Variants in ZNF385D observed in about 807,000 individuals in gnomAD.
ZNF385D encodes zinc finger protein 659.
Under a neutral mutation model 35.8 loss-of-function variants are expected in ZNF385D, and 15 were observed. The ratio of observed to expected loss-of-function variants is 0.42; its 90% CI spans 0.28 to 0.64. ZNF385D has a LOEUF of 0.64. Ranked by LOEUF, ZNF385D falls within the 30% of genes least tolerant of loss-of-function variation. ZNF385D has a pLI of 0.23. For missense variants in ZNF385D, 474 were observed against 494.6 expected, an observed-to-expected ratio of 0.96 and a Z score of 0.39; for synonymous variants, 212 against 186.8, an observed-to-expected ratio of 1.13 and a Z score of -1.10.
At chr3:22,063,430 A>G (rs1016568771) in intron 3 of ZNF385D, among the ~76,000 whole-genome samples, 6 of 152,178 alleles carry the variant, frequency 3.9e-5, no homozygotes, top group African/African-American at 1.4e-4. Flanking sequence ...ATCATGATAC[A>G]AAATTTCATC....
At chr3:21,897,253 A>G (rs1699185061) in intron 3 of ZNF385D, among the ~76,000 whole-genome samples, 1 of 152,164 alleles carries the variant, frequency 6.6e-6, no homozygotes, top group Non-Finnish European at 1.5e-5. Flanking sequence ...GAATTCTCAC[A>G]TTATTGATAA....
At chr3:21,945,536 T>C (rs1701739668) in intron 3 of ZNF385D, among the ~76,000 whole-genome samples, 1 of 152,208 alleles carries the variant, frequency 6.6e-6, no homozygotes, top group African/African-American at 2.4e-5. Context: ...GCTATCAAGA[T>C]TAAATTATTT....
chr3:22,330,479 TTTC>T (rs1694883666), intron 2 of ZNF385D, among the ~76,000 whole-genome samples: 1 of 152,200 alleles, frequency 6.6e-6, no homozygotes. Context: ...TCACCCTTTA[TTTC>T]TTCTTTTATA....
At chr3:21,657,863 A>C (rs1487239324) in intron 2 of ZNF385D, among the ~76,000 whole-genome samples, 1 of 152,020 alleles carries the variant, frequency 6.6e-6, no homozygotes, top group African/African-American at 2.4e-5. Flanking sequence ...TCACTGGCTG[A>C]GGGAAAGAAG....
chr3:22,178,955 G>C (rs1695028010), intron 2 of ZNF385D, among the ~76,000 whole-genome samples: 2 of 149,496 alleles, frequency 1.3e-5, no homozygotes, highest in South Asian at 4.3e-4. Flanking sequence ...TCTCTGTTTT[G>C]GTACCAGTAC....
intron 2 of ZNF385D, among the ~76,000 whole-genome samples, chr3:21,658,034 C>G (rs909200963): frequency 6.6e-6 from 1 of 151,996 alleles, no homozygotes; most frequent in African/African-American, 2.4e-5. Flanking sequence ...ATAATAAAAA[C>G]GTGAAATTTT....
At chr3:22,019,753 C>G (rs977577539) in intron 3 of ZNF385D, among the ~76,000 whole-genome samples, 2 of 151,834 alleles carry the variant, frequency 1.3e-5, no homozygotes, top group African/African-American at 4.8e-5. Context: ...GGAACAGCTA[C>G]ATTAATCTAT....
At chr3:21,976,451 T>C (rs775946157) in intron 3 of ZNF385D, among the ~76,000 whole-genome samples, 23 of 151,992 alleles carry the variant, frequency 1.5e-4, no homozygotes, top group Non-Finnish European at 8.8e-5. Flanking sequence ...ATAACTAAAA[T>C]TGATAGCATG....
chr3:21,775,450 G>A (rs1407234602), intron 3 of ZNF385D, among the ~76,000 whole-genome samples: 1 of 151,786 alleles, frequency 6.6e-6, no homozygotes, highest in South Asian at 2.1e-4. Context: ...ATAAAGGAGG[G>A]CTTGGAAAGT....
chr3:21,944,858 T>C lies in ZNF385D; in HGVS notation c.325+223959A>G, dbSNP rs138041870. Among the ~76,000 whole-genome samples the C allele has an allele frequency of 6.1e-3, 928 of 152,248 alleles. 10 individuals carry two copies. Among genetic ancestry groups the C allele is most frequent in the African/African-American group, 0.021 (888 of 41,576 alleles). On this transcript the variant is annotated intron_variant, in intron 3 of 5. Coordinates refer to the ZNF385D transcript ENST00000494108. The stretch of plus-strand genomic sequence containing the variant: ...ATGAATAAAATTATAGAAATGTAGA[T>C]ATATATGTAAAGTACTTACTAGGTC...
intron 4 of ZNF385D, among the ~76,000 whole-genome samples, chr3:21,459,955 C>T (rs866345770): frequency 6.6e-6 from 1 of 152,144 alleles, no homozygotes. Flanking sequence ...CCCATGTTGT[C>T]GCTTTATGAC....
At chr3:22,372,007 G>A (rs1696929871) in intron 2 of ZNF385D, among the ~76,000 whole-genome samples, 1 of 152,174 alleles carries the variant, frequency 6.6e-6, no homozygotes, top group Non-Finnish European at 1.5e-5. Context: ...AACTTCGCCA[G>A]GTTTCCCCCG....
chr3:21,945,546 T>G (rs181423592), intron 3 of ZNF385D, among the ~76,000 whole-genome samples: 107 of 152,322 alleles, frequency 7.0e-4, no homozygotes, highest in Non-Finnish European at 1.4e-3. Flanking sequence ...TTAAATTATT[T>G]TGATCATGTG....
At chr3:22,121,675 T>TG (rs1042536261) in intron 3 of ZNF385D, among the ~76,000 whole-genome samples, 1 of 151,742 alleles carries the variant, frequency 6.6e-6, no homozygotes. Flanking sequence ...GATGTGATTT[T>TG]TTTTTTTTTT....
intron 2 of ZNF385D, among the ~76,000 whole-genome samples, chr3:21,649,352 G>A (rs188152722): frequency 1.4e-4 from 21 of 152,254 alleles, no homozygotes; most frequent in African/African-American, 4.6e-4. Context: ...CATGGACACA[G>A]TGTACTCCTG....
intron 3 of ZNF385D, among the ~76,000 whole-genome samples, chr3:21,766,258 G>A (rs1223944312): frequency 1.3e-5 from 2 of 152,090 alleles, no homozygotes; most frequent in African/African-American, 2.4e-5. Flanking sequence ...ATAGAAAGAT[G>A]AGAGTAATGT....
chr3:21,797,554 T>C (rs1317672855), intron 3 of ZNF385D, among the ~76,000 whole-genome samples: 1 of 152,244 alleles, frequency 6.6e-6, no homozygotes, highest in Non-Finnish European at 1.5e-5. Flanking sequence ...TAAAGCAGCT[T>C]TATTCTTTAT....
At position 21,485,823 on chromosome 3, in the gene ZNF385D, A is replaced by G. The variant is rs900276703; in HGVS notation, c.439+25038T>C. On this transcript the variant is annotated intron_variant, in intron 4 of 7. Coordinates refer to ENST00000281523, the MANE Select transcript of ZNF385D (RefSeq NM_024697.3). ...TGACAGATGAAGAAAATTAAATGGT[A>G]CAGCTGAGATTAGAAACCTAATGTC... Among the ~76,000 whole-genome samples, 5 of 152,254 alleles carry G rather than the reference A, an allele frequency of 3.3e-5. 1 individual carries two copies. The highest frequency in any genetic ancestry group is 1.2e-4 in the African/African-American group (5 of 41,560).
At chr3:21,650,744 G>A (rs892171714) in intron 2 of ZNF385D, among the ~76,000 whole-genome samples, 4 of 152,148 alleles carry the variant, frequency 2.6e-5, no homozygotes, top group African/African-American at 9.6e-5. Context: ...AGAAATCAAT[G>A]AGTTTAACAC....
Sources: allele counts gnomAD v4.1 joint callset (sites outside exome capture counted in the v4.1 genomes callset), GRCh38; gene constraint gnomAD v4.1.1; transcripts MANE v1.5; gene names NCBI Gene and HGNC (gene_info 2026-07-23, HGNC 2026-07-21).